Variants in USP40 observed in about 807,000 individuals in gnomAD.
The protein encoded by USP40 is ubiquitin carboxyl-terminal hydrolase 40.
A neutral mutation model predicts 166.2 loss-of-function variants in USP40; 143 were observed. The ratio of observed to expected loss-of-function variants is 0.86; its 90% CI spans 0.75 to 0.99. The LOEUF (loss-of-function observed/expected upper bound fraction) is 0.99, where lower values mean the gene tolerates loss of function less well. USP40 is among the 50% of genes least tolerant of loss of function. The pLI, the probability that USP40 is intolerant of heterozygous loss-of-function variation, is 0.00. For missense variants in USP40, 1,444 were observed against 1,479.7 expected, an observed-to-expected ratio of 0.98 and a Z score of 0.40; for synonymous variants, 498 against 524.0, an observed-to-expected ratio of 0.95 and a Z score of 0.68.
intron 4 of USP40, among the ~76,000 whole-genome samples, chr2:233,557,285 T>C (rs943796309): frequency 1.3e-5 from 2 of 152,230 alleles, no homozygotes; most frequent in Admixed American, 1.3e-4. Flanking sequence ...TTTATTCTTG[T>C]GGGAAACCAC....
At chr2:233,546,091 C>A (rs907148991) in intron 8 of USP40, 2 of 152,158 alleles carry the variant, frequency 1.3e-5, no homozygotes, top group African/African-American at 2.4e-5. Context: ...CTGAGGAAGA[C>A]CTTGCTAAGG....
chr2:233,493,162 T>C lies in USP40; in HGVS notation c.2917+263A>G. ...CCTGAGGATCTTGAGAGATGATACA[T>C]AAAAGTCTTTGGAAAGTGTAATATA... On this transcript the variant is annotated intron_variant, in intron 25 of 31. Transcript: ENST00000678225. The surrounding 1 kb of genome is among the most constrained non-coding windows in gnomAD (Gnocchi z 4.7). 1.9e-6 allele frequency: 1 copy of C among 517,106 alleles called. No individual in the cohort carries two copies. Among genetic ancestry groups the C allele is most frequent in the South Asian group, 3.7e-5 (1 of 27,010 alleles). The allele number at this position is 517,106 out of a possible 1,614,324, so 32.0% of individuals were successfully genotyped here.
At chr2:233,488,182 G>C in intron 28 of USP40, 57 bp downstream of exon 28, 2 of 1,472,556 alleles carry the variant, frequency 1.4e-6, no homozygotes, top group Non-Finnish European at 9.3e-7. Flanking sequence ...AGCTTCAAAA[G>C]GCAAACGAGG....
intron 10 of USP40, among the ~76,000 whole-genome samples, chr2:233,539,222 AAT>A (rs1491552123): frequency 3.3e-5 from 5 of 151,390 alleles, no homozygotes; most frequent in East Asian, 1.9e-4. Flanking sequence ...CAAAAAAAAA[AAT>A]AAGAAGAATA....
chr2:233,515,600 T>C (rs1342325239), intron 18 of USP40, among the ~76,000 whole-genome samples: 1 of 152,146 alleles, frequency 6.6e-6, no homozygotes, highest in Admixed American at 6.5e-5. Context: ...TGTAAGTTGA[T>C]TGTCAAATAT....
intron 12 of USP40, among the ~76,000 whole-genome samples, chr2:233,528,032 G>C (rs143883200): frequency 6.7e-6 from 1 of 149,640 alleles, no homozygotes; most frequent in African/African-American, 2.5e-5. Flanking sequence ...AGGCTGGAGT[G>C]CAGTGCTGCG....
rs569380305 is a variant in USP40, at chr2:233,502,713, G to A, written c.2614-2798C>T. 2.8e-4 allele frequency among the ~76,000 whole-genome samples: 43 copies of A among 152,038 alleles called. 1 individual carries two copies. In the Middle Eastern group the frequency reaches 0.014, roughly 48 times the overall value. ...TCCTCCACCAAACCATGTCACCTCTGTCACAAACACCCGTAACCTAGGAAA... is the reference window on the plus strand; with the variant it reads ...TCCTCCACCAAACCATGTCACCTCTATCACAAACACCCGTAACCTAGGAAA... On this transcript the variant is annotated intron_variant, in intron 21 of 31. Transcript: ENST00000678225.
chr2:233,545,391 G>C (rs1264878259), intron 8 of USP40: 1 of 152,208 alleles, frequency 6.6e-6, no homozygotes, highest in Non-Finnish European at 1.5e-5. Flanking sequence ...GTCTGACCCT[G>C]GCCATGTTGG....
chr2:233,524,796 G>A (rs1224388220), intron 14 of USP40, among the ~76,000 whole-genome samples: 1 of 152,170 alleles, frequency 6.6e-6, no homozygotes, highest in Admixed American at 6.5e-5. Context: ...AAGGTCAAGT[G>A]TACTTGAGGC....
intron 21 of USP40, among the ~76,000 whole-genome samples, chr2:233,504,743 T>C (rs2066300444): frequency 6.6e-6 from 1 of 151,900 alleles, no homozygotes; most frequent in African/African-American, 2.4e-5. Flanking sequence ...GGAACAAGAC[T>C]GCAATACAAT....
chr2:233,488,142 G>T, intron 28 of USP40, 97 bp downstream of exon 28: 1 of 1,028,912 alleles, frequency 9.7e-7, no homozygotes, highest in Non-Finnish European at 1.5e-6. Flanking sequence ...TAGAAGCAGT[G>T]AAAAAAATGC....
intron 5 of USP40, among the ~76,000 whole-genome samples, chr2:233,554,879 T>C (rs2070917433): frequency 6.6e-6 from 1 of 152,192 alleles, no homozygotes; most frequent in Non-Finnish European, 1.5e-5. Flanking sequence ...GACTAGACTA[T>C]AAGAGCAAGG....
chr2:233,479,424 A>G (rs970188378), intron 31 of USP40, among the ~76,000 whole-genome samples: 3 of 152,086 alleles, frequency 2.0e-5, no homozygotes, highest in Non-Finnish European at 2.9e-5. Context: ...TTAGCTGGGC[A>G]TAGTGGTGCA....
rs1355869222 is a variant in USP40, at chr2:233,542,377, CA to C, written c.967-15del. ...ACTTTTTTCCTCCTAGGAAGGAAAA[CA>C]GTATGAGTTTCTATCACTAACCCCT... On this transcript the variant is annotated splice_polypyrimidine_tract_variant and intron_variant, in intron 8 of 31. Transcript: ENST00000678225. 2 of 1,470,584 alleles carry C rather than the reference CA, an allele frequency of 1.4e-6. No homozygotes were observed. Among genetic ancestry groups the C allele is most frequent in the Non-Finnish European group, 1.8e-6 (2 of 1,081,108 alleles). 91.1% of individuals were successfully genotyped at this position (1,470,584 alleles called of 1,614,324 possible).
intron 24 of USP40, among the ~76,000 whole-genome samples, chr2:233,494,994 A>C (rs2065661026): frequency 2.1e-5 from 2 of 96,848 alleles, no homozygotes; most frequent in African/African-American, 4.5e-5. Context: ...ACACATAAAA[A>C]ATAAATAAAT....
At chr2:233,514,498 G>T (rs529150977) in intron 18 of USP40, among the ~76,000 whole-genome samples, 12 of 150,414 alleles carry the variant, frequency 8.0e-5, no homozygotes, top group African/African-American at 1.7e-4. Flanking sequence ...GAAGTGAGTT[G>T]TGAGTACGCA....
Position 233,525,513 on chromosome 2 carries a change from AC to A in USP40, c.1774del (p.Val592TyrfsTer16). The A allele has an allele frequency of 6.2e-7, 1 of 1,613,438 alleles. No homozygotes were observed. The highest frequency in any genetic ancestry group is 8.5e-7 in the Non-Finnish European group (1 of 1,179,546). On this transcript the variant is annotated frameshift_variant, in exon 14 of 32. Transcript: ENST00000678225. LOFTEE classifies it high-confidence loss of function. ...CTGGTAAATGTGAAGTCCTGCTGGT[AC>A]AAGCTTTGCAACACTAAGAACCATG... is the stretch of plus-strand genomic sequence containing the variant. ...GDMVLSVAKLVPAGLHIYQSL... is the reference protein window; with the variant it reads ...GDMVLSVAKLXPAGLHIYQSL...
chr2:233,560,394 G>A (rs1020406330), intron 3 of USP40, among the ~76,000 whole-genome samples: 1 of 152,148 alleles, frequency 6.6e-6, no homozygotes, highest in African/African-American at 2.4e-5. Flanking sequence ...GTGAGGGCTG[G>A]GGCAGACTGA....
intron 23 of USP40, among the ~76,000 whole-genome samples, 179 bp from the exon 24 acceptor site, chr2:233,497,011 T>C (rs1373831979): frequency 1.3e-5 from 2 of 152,148 alleles, no homozygotes; most frequent in Middle Eastern, 3.2e-3. Flanking sequence ...ATTTGTTAAA[T>C]TGTGGGGCAT....
Sources: gnomAD v4.1 joint callset for allele counts (sites outside exome capture counted in the v4.1 genomes callset) on GRCh38, gnomAD v4.1.1 for gene constraint, Gnocchi (gnomAD v3.1) non-coding constraint, MANE v1.5 for transcripts, NCBI Gene and HGNC (gene_info 2026-07-23, HGNC 2026-07-21) for gene names.